The following UNC13C variants were observed in gnomAD, a reference collection of about 807,000 sequenced individuals.
UNC13C encodes unc-13 homolog C, also known as protein unc-13 homolog C.
Under a neutral mutation model 245.4 loss-of-function variants are expected in UNC13C, and 174 were observed. The ratio of observed to expected loss-of-function variants is 0.71; its 90% CI spans 0.63 to 0.80. The LOEUF (loss-of-function observed/expected upper bound fraction) is 0.80. UNC13C is among the 30% of genes least tolerant of loss of function. The pLI, the probability that UNC13C is intolerant of heterozygous loss-of-function variation, is 0.00. For missense variants in UNC13C, 2,829 were observed against 2,602.9 expected (o/e 1.09, Z -1.89); for synonymous variants, 992 against 895.1 (o/e 1.11, Z -1.93).
the UNC13C span, among the ~76,000 whole-genome samples, chr15:53,854,531 A>G: frequency 2.0e-5 from 3 of 152,084 alleles, no homozygotes; most frequent in Non-Finnish European, 4.4e-5. Flanking sequence ...AGTTCTCCCA[A>G]CACCATATAT....
the UNC13C span, among the ~76,000 whole-genome samples, chr15:53,962,791 G>A: frequency 6.6e-6 from 1 of 152,176 alleles, no homozygotes; most frequent in Non-Finnish European, 1.5e-5. Context: ...TAGAATCACA[G>A]AGGTAAGCCT....
chr15:54,509,817 C>G (rs1894654903), intron 23 of UNC13C, among the ~76,000 whole-genome samples: 1 of 152,088 alleles, frequency 6.6e-6, no homozygotes, highest in African/African-American at 2.4e-5. Flanking sequence ...TGAATTGATT[C>G]AGTAAAACTG....
At chr15:54,452,112 G>A (rs1056237906) in intron 19 of UNC13C, among the ~76,000 whole-genome samples, 2 of 152,224 alleles carry the variant, frequency 1.3e-5, no homozygotes, top group Non-Finnish European at 2.9e-5. Flanking sequence ...CTTTGCTTAG[G>A]ATGGAGGCAT....
intron 8 of UNC13C, among the ~76,000 whole-genome samples, chr15:54,263,032 G>T (rs2036465924): frequency 6.6e-6 from 1 of 152,032 alleles, no homozygotes; most frequent in South Asian, 2.1e-4. Flanking sequence ...AATTGTGCTT[G>T]CCTATAAATT....
chr15:54,474,580 G>C (rs1392852724), intron 19 of UNC13C, among the ~76,000 whole-genome samples: 1 of 151,778 alleles, frequency 6.6e-6, no homozygotes, highest in African/African-American at 2.4e-5. Context: ...TGTATGTTCT[G>C]GATATTATTT....
Position 54,107,945 on chromosome 15 carries a change from T to C in UNC13C, c.2984-35073T>C, listed in dbSNP as rs942594246. The stretch of plus-strand genomic sequence containing the variant: ...ATTTTGTCCTTTATTCTAAAAGTTA[T>C]TGAAAACTGGTATGAGCAAAGGCAA... On this transcript the variant is annotated intron_variant, in intron 2 of 32. Coordinates refer to ENST00000260323, the MANE Select transcript of UNC13C (RefSeq NM_001080534.3). Among the ~76,000 whole-genome samples, 3 of 152,224 alleles carry C rather than the reference T, an allele frequency of 2.0e-5. No individual in the cohort carries two copies. In the East Asian group the frequency reaches 5.8e-4, roughly 29 times the overall value.
chr15:54,484,854 C>T (rs1312476675), intron 19 of UNC13C, among the ~76,000 whole-genome samples: 1 of 152,000 alleles, frequency 6.6e-6, no homozygotes, highest in African/African-American at 2.4e-5. Flanking sequence ...AGAAAATGTA[C>T]CATAAATTTC....
chr15:54,513,773 G>A (rs9920446), intron 24 of UNC13C, among the ~76,000 whole-genome samples: 38,197 of 151,820 alleles, frequency 0.25, 5,250 homozygotes, highest in African/African-American at 0.35. Context: ...AGCTTCTAAC[G>A]ATGTAATCTT....
intron 2 of UNC13C, among the ~76,000 whole-genome samples, chr15:54,079,188 G>A (rs1475022403): frequency 6.6e-6 from 1 of 152,026 alleles, no homozygotes; most frequent in Non-Finnish European, 1.5e-5. Flanking sequence ...TTCTGTACTT[G>A]TACGATGTTC....
At chr15:54,188,381 AAAT>A (rs1373065040) in intron 4 of UNC13C, among the ~76,000 whole-genome samples, 4 of 152,168 alleles carry the variant, frequency 2.6e-5, no homozygotes, top group Non-Finnish European at 5.9e-5. Flanking sequence ...GGCAACAGGC[AAAT>A]AATAATTATA....
chr15:53,894,460 C>T, the UNC13C span, among the ~76,000 whole-genome samples: 1 of 152,278 alleles, frequency 6.6e-6, no homozygotes, highest in Admixed American at 6.5e-5. Context: ...AAGTGAAAAT[C>T]AAGTATCAAT....
At chr15:54,083,986 G>A (rs572659458) in intron 2 of UNC13C, among the ~76,000 whole-genome samples, 40 of 152,306 alleles carry the variant, frequency 2.6e-4, no homozygotes, top group African/African-American at 8.2e-4. Context: ...AAATCGCCAC[G>A]GACAGTGTTG....
the UNC13C span, among the ~76,000 whole-genome samples, chr15:53,932,815 C>G: frequency 1.0e-3 from 155 of 152,326 alleles, no homozygotes; most frequent in African/African-American, 3.5e-3. Context: ...TAGGTCAAAT[C>G]TCTTTTCAGA....
At chr15:54,401,612 C>T (rs2040186111) in intron 18 of UNC13C, among the ~76,000 whole-genome samples, 1 of 151,976 alleles carries the variant, frequency 6.6e-6, no homozygotes, top group Non-Finnish European at 1.5e-5. Flanking sequence ...ACGAAGATCG[C>T]GTCGAGAGAG....
upstream of UNC13C, among the ~76,000 whole-genome samples, chr15:53,976,152 A>G (rs887049323): frequency 6.6e-6 from 1 of 152,152 alleles, no homozygotes; most frequent in Admixed American, 6.5e-5. Flanking sequence ...CTGTCACTCT[A>G]ACGGCAACAT....
chr15:54,253,601 T>A (rs2036207902), intron 8 of UNC13C, among the ~76,000 whole-genome samples: 1 of 152,192 alleles, frequency 6.6e-6, no homozygotes, highest in Admixed American at 6.5e-5. Flanking sequence ...AATTCTTTTT[T>A]GGAAAAAGCA....
At chr15:54,002,821 T>C (rs1894957684) in intron 1 of UNC13C, among the ~76,000 whole-genome samples, 1 of 152,206 alleles carries the variant, frequency 6.6e-6, no homozygotes. Flanking sequence ...AGAGTTAGAT[T>C]GCCCTATCAA....
Position 54,495,639 on chromosome 15 carries a change from T to A in UNC13C, c.5060+905T>A, listed in dbSNP as rs1409281414. Reference sequence around the variant, plus strand: ...ATCATCCATAGGAAGTAAGGCATATTTCCATTTTTATAAAATTAATAGAAA... The same window carrying A: ...ATCATCCATAGGAAGTAAGGCATATATCCATTTTTATAAAATTAATAGAAA... On this transcript the variant is annotated intron_variant, in intron 20 of 32. Transcript: ENST00000260323. Among the ~76,000 whole-genome samples, 4 of 152,160 alleles carry A rather than the reference T, an allele frequency of 2.6e-5. No individual in the cohort carries two copies. The South Asian group carries it at 8.3e-4, about 32-fold the overall frequency.
At chr15:53,988,414 G>T (rs1894239633) in intron 1 of UNC13C, among the ~76,000 whole-genome samples, 1 of 151,870 alleles carries the variant, frequency 6.6e-6, no homozygotes, top group South Asian at 2.1e-4. Flanking sequence ...TAACAAAATT[G>T]TTGTGAGTAG....
Sources: gnomAD v4.1 joint callset for allele counts (sites outside exome capture counted in the v4.1 genomes callset) on GRCh38, gnomAD v4.1.1 for gene constraint, MANE v1.5 for transcripts, NCBI Gene and HGNC (gene_info 2026-07-23, HGNC 2026-07-21) for gene names.